The following CFTR variants were observed in gnomAD, a reference collection of about 807,000 sequenced individuals.
CFTR encodes the protein CF transmembrane conductance regulator, also known as cystic fibrosis transmembrane conductance regulator.
Under a neutral mutation model 171.6 loss-of-function variants are expected in CFTR, and 181 were observed. The ratio of observed to expected loss-of-function variants is 1.05; its 90% CI spans 0.93 to 1.19. CFTR has a LOEUF of 1.19. Among genes scored for constraint, CFTR ranks in the 50% most tolerant of loss-of-function variants. The pLI, the probability that CFTR is intolerant of heterozygous loss-of-function variation, is 0.00. For missense variants in CFTR, 1,968 were observed against 1,734.7 expected (o/e 1.13, Z -2.39); for synonymous variants, 583 against 608.0 (o/e 0.96, Z 0.60).
At chr7:117,495,044 T>C (rs926759608) in intron 1 of CFTR, among the ~76,000 whole-genome samples, 1 of 152,146 alleles carries the variant, frequency 6.6e-6, no homozygotes, top group African/African-American at 2.4e-5. Flanking sequence ...TTAAGGCCAA[T>C]CCATTTCCCC....
At position 117,600,069 on chromosome 7, in the gene CFTR, G is replaced by A. The variant is rs139095524; in HGVS notation, c.2620-2757G>A. Among the ~76,000 whole-genome samples the A allele has an allele frequency of 4.2e-3, 632 of 151,790 alleles. 6 individuals carry two copies. Among genetic ancestry groups the A allele is most frequent in the Middle Eastern group, 0.014 (4 of 294 alleles). On this transcript the variant is annotated intron_variant, in intron 15 of 26. Coordinates refer to ENST00000003084, the MANE Select transcript of CFTR (RefSeq NM_000492.4). ...TTTTTTTTATAGGTTAGGTAAAATA[G>A]GCTTCCCTTTTGCAATATGAAATAT... is the stretch of plus-strand genomic sequence containing the variant.
At position 117,592,229 on chromosome 7, in the gene CFTR, A is replaced by C. The variant is rs1245423244; in HGVS notation, c.2062A>C (p.Lys688Gln). The C allele has an allele frequency of 4.3e-6, 7 of 1,613,868 alleles. No individual in the cohort carries two copies. The highest frequency in any genetic ancestry group is 5.9e-6 in the Non-Finnish European group (7 of 1,179,998). The change falls in exon 14 of 27, where the codon AAA (lysine) becomes CAA (glutamine). Residue 688 changes from lysine (K) to glutamine (Q), a missense_variant. By Grantham distance (53) the Lys-to-Gln change is moderately conservative (BLOSUM62 1). Transcript: ENST00000003084. ...SWTETKKQSF[K>Q]QTGEFGEKRK... Reference sequence around the variant, plus strand: ...GACAGAAACAAAAAAACAATCTTTTAAACAGACTGGAGAGTTTGGGGAAAA... The same window carrying C: ...GACAGAAACAAAAAAACAATCTTTTCAACAGACTGGAGAGTTTGGGGAAAA...
intron 11 of CFTR, among the ~76,000 whole-genome samples, chr7:117,580,904 A>C (rs1791839962): frequency 6.6e-6 from 1 of 152,130 alleles, no homozygotes; most frequent in South Asian, 2.1e-4. Flanking sequence ...GGATTTAAAG[A>C]TATTCTTGTT....
intron 23 of CFTR, among the ~76,000 whole-genome samples, chr7:117,648,039 C>A (rs1183425914): frequency 1.4e-5 from 2 of 146,896 alleles, no homozygotes; most frequent in African/African-American, 2.5e-5. Context: ...TATATATACA[C>A]ACACACATTA....
Position 117,614,671 on chromosome 7 carries a change from A to T in CFTR, c.3426A>T (p.Thr1142=). 6.2e-7 allele frequency: 1 copy of T among 1,612,600 alleles called. No homozygotes were observed. Among genetic ancestry groups the T allele is most frequent in the Non-Finnish European group, 8.5e-7 (1 of 1,178,872 alleles). ...CTTTAGCCATGAATATCATGAGTAC[A>T]TTGCAGTGGGCTGTAAACTCCAGCA... ...ILTLAMNIMS[T]LQWAVNSSID... is the part of the protein sequence containing the mutation. Residue 1142 remains threonine, a synonymous_variant, in exon 21 of 27, where the codon ACA becomes ACT. Transcript: ENST00000003084.
intron 18 of CFTR, among the ~76,000 whole-genome samples, chr7:117,607,194 C>G (rs1186998144): frequency 1.3e-5 from 2 of 152,150 alleles, no homozygotes; most frequent in African/African-American, 4.8e-5. Context: ...CACAGATTAG[C>G]TAGCCCATTC....
chr7:117,605,399 C>A (rs1771151771), intron 17 of CFTR, among the ~76,000 whole-genome samples: 2 of 151,948 alleles, frequency 1.3e-5, no homozygotes, highest in South Asian at 2.1e-4. Context: ...CATATAAGGC[C>A]TTTTTGCTTG....
intron 7 of CFTR, among the ~76,000 whole-genome samples, chr7:117,539,421 GT>G (rs201470587): frequency 6.2e-4 from 90 of 145,652 alleles, no homozygotes; most frequent in Admixed American, 9.7e-4. Flanking sequence ...AACCACTTGG[GT>G]TTTTTTTTTT....
chr7:117,574,571 G>A (rs537250077), intron 11 of CFTR, among the ~76,000 whole-genome samples: 61 of 152,120 alleles, frequency 4.0e-4, no homozygotes, highest in African/African-American at 1.0e-3. Flanking sequence ...TATTTCTAGC[G>A]TCTATTATAG....
intron 7 of CFTR, among the ~76,000 whole-genome samples, chr7:117,539,174 G>C (rs926602609): frequency 2.0e-5 from 3 of 152,076 alleles, no homozygotes; most frequent in African/African-American, 7.2e-5. Context: ...GGATGGCTTC[G>C]GGAAGACTGG....
chr7:117,647,959 TATTTATAAGC>T (rs1367676357), intron 23 of CFTR, among the ~76,000 whole-genome samples: 1 of 150,686 alleles, frequency 6.6e-6, no homozygotes, highest in African/African-American at 2.4e-5. Context: ...ACCACTGTGA[TATTTATAAGC>T]ATTTGGGCCA....
At chr7:117,507,853 G>C (rs1193469678) in intron 2 of CFTR, among the ~76,000 whole-genome samples, 1 of 152,174 alleles carries the variant, frequency 6.6e-6, no homozygotes, top group East Asian at 1.9e-4. Context: ...GTGTAGTGGT[G>C]TGATCTCAGC....
intron 11 of CFTR, among the ~76,000 whole-genome samples, chr7:117,567,092 A>G (rs910837850): frequency 6.6e-6 from 1 of 152,228 alleles, no homozygotes; most frequent in Admixed American, 6.5e-5. Context: ...ATTAAAACAC[A>G]AAGTAAAAAA....
At position 117,606,711 on chromosome 7, in the gene CFTR, T is replaced by G. The variant is rs748430234; in HGVS notation, c.2946T>G (p.Ile982Met). ...ILNRFSKDIA[I>M]LDDLLPLTIF... Reference sequence around the variant, plus strand: ...ATAGATTCTCCAAAGATATAGCAATTTTGGATGACCTTCTGCCTCTTACCA... The same window carrying G: ...ATAGATTCTCCAAAGATATAGCAATGTTGGATGACCTTCTGCCTCTTACCA... Residue 982 changes from isoleucine (I) to methionine (M), a missense_variant, in exon 18 of 27, where the codon ATT (isoleucine) becomes ATG (methionine). Ile to Met is a conservative substitution (Grantham distance 10). Transcript: ENST00000003084. The G allele has an allele frequency of 1.9e-6, 3 of 1,595,622 alleles. No individual in the cohort carries two copies. The highest frequency in any genetic ancestry group is 3.3e-5 in the Admixed American group (2 of 59,942).
In CFTR at chr7:117,504,346, A is replaced by C. The variant is rs140444668; in HGVS notation, c.147A>C (p.Leu49=). The change falls in exon 2 of 27, where the codon CTA becomes CTC. Residue 49 remains leucine (L), a synonymous_variant. Coordinates refer to ENST00000003084, the MANE Select transcript of CFTR (RefSeq NM_000492.4). ...CTTCTGTTGATTCTGCTGACAATCT[A>C]TCTGAAAAATTGGAAAGGTATGTTC... ...QIPSVDSADN[L]SEKLEREWDR... 2 of 1,584,948 alleles carry C rather than the reference A, an allele frequency of 1.3e-6. No homozygotes were observed. The highest frequency in any genetic ancestry group is 4.5e-5 in the East Asian group (2 of 44,694).
chr7:117,559,287 T>G (rs906874344), intron 10 of CFTR, among the ~76,000 whole-genome samples, 177 bp from the exon 11 acceptor site: 1 of 152,196 alleles, frequency 6.6e-6, no homozygotes, highest in Non-Finnish European at 1.5e-5. Context: ...TTCCCTTGTA[T>G]CTTTTGTGCA....
chr7:117,540,897 A>T (rs1799040992), intron 8 of CFTR, among the ~76,000 whole-genome samples: 1 of 152,128 alleles, frequency 6.6e-6, no homozygotes, highest in Admixed American at 6.5e-5. Context: ...CATTTAAAAA[A>T]TTTGTATTGG....
chr7:117,532,424 T>C (rs1325460582), intron 4 of CFTR, among the ~76,000 whole-genome samples: 1 of 152,216 alleles, frequency 6.6e-6, no homozygotes, highest in Non-Finnish European at 1.5e-5. Context: ...CCCTATCTTA[T>C]GGATAAGTAA....
chr7:117,656,215 A>T (rs962982812), intron 24 of CFTR, among the ~76,000 whole-genome samples: 1 of 152,122 alleles, frequency 6.6e-6, no homozygotes, highest in South Asian at 2.1e-4. Flanking sequence ...TCTACTCCCT[A>T]TCTGAGTTCT....
Sources: allele counts gnomAD v4.1 joint callset (sites outside exome capture counted in the v4.1 genomes callset), GRCh38; gene constraint gnomAD v4.1.1; transcripts MANE v1.5; gene names NCBI Gene and HGNC (gene_info 2026-07-23, HGNC 2026-07-21).